The following HAT1 variants were observed in gnomAD, a reference collection of about 807,000 sequenced individuals.
HAT1 encodes the protein histone acetyltransferase 1.
In HAT1, 20 loss-of-function variants were observed where a neutral mutation model predicts 56.6. The observed-to-expected ratio is 0.35, with a 90% CI of 0.25 to 0.51. HAT1 has a LOEUF of 0.51. Among genes scored for constraint, HAT1 ranks in the 20% least tolerant of loss-of-function variants. HAT1 has a pLI of 0.95. For missense variants in HAT1, 408 were observed against 504.3 expected, an observed-to-expected ratio of 0.81 and a Z score of 1.83; for synonymous variants, 146 against 165.5, an observed-to-expected ratio of 0.88 and a Z score of 0.91.
chr2:171,958,622 A>T (rs1302922590), intron 4 of HAT1, among the ~76,000 whole-genome samples: 2 of 152,056 alleles, frequency 1.3e-5, no homozygotes, highest in Non-Finnish European at 2.9e-5. Context: ...CTCCCAGTTT[A>T]CTGCTATCAT....
chr2:171,977,557 A>ATT (rs1172067451), intron 9 of HAT1, among the ~76,000 whole-genome samples: 21 of 16,346 alleles, frequency 1.3e-3, no homozygotes, highest in South Asian at 3.8e-3. Context: ...ATATATATAT[A>ATT]TTTTTTTTTT....
At chr2:171,946,288 A>G (rs1475656769) in intron 2 of HAT1, among the ~76,000 whole-genome samples, 2 of 152,252 alleles carry the variant, frequency 1.3e-5, no homozygotes, top group Non-Finnish European at 2.9e-5. Flanking sequence ...GTCAAAAAGA[A>G]TGACTTCATC....
At position 171,950,461 on chromosome 2, in the gene HAT1, G is replaced by A. The variant is rs548473441; in HGVS notation, c.189-2420G>A. On this transcript the variant is annotated intron_variant, in intron 3 of 10. Coordinates refer to ENST00000264108, the MANE Select transcript of HAT1 (RefSeq NM_003642.4). ...CTCCCAAAGTCCTAGAATTACAGGC[G>A]TGAGCCACTGTACCCAGCCATATTT... Among the ~76,000 whole-genome samples, 104 of 151,592 alleles carry A rather than the reference G, an allele frequency of 6.9e-4. No homozygotes were observed. In the Middle Eastern group the frequency reaches 0.01, roughly 15 times the overall value.
At chr2:171,942,053 C>T (rs1687032178) in intron 2 of HAT1, among the ~76,000 whole-genome samples, 1 of 151,992 alleles carries the variant, frequency 6.6e-6, no homozygotes, top group Admixed American at 6.6e-5. Context: ...TACAGGTGCA[C>T]ACCACCACAC....
In HAT1 at chr2:171,965,234, C is replaced by G. The variant is rs574006245; in HGVS notation, c.310-104C>G. 47 of 689,690 alleles carry G rather than the reference C, an allele frequency of 6.8e-5. No homozygotes were observed. The African/African-American group carries it at 7.9e-4, about 12-fold the overall frequency. The allele number at this position is 689,690 out of a possible 1,614,324, so 42.7% of individuals were successfully genotyped here. ...TGTGTTTACTTCTTTAGTTTTCAAC[C>G]AAAGTTTTGTAATTTGTGTTGGTTT... On this transcript the variant is annotated intron_variant, in intron 4 of 10. Coordinates refer to ENST00000264108, the MANE Select transcript of HAT1 (RefSeq NM_003642.4).
chr2:171,955,828 CGAGGTCAG>C (rs1358785358), intron 4 of HAT1, among the ~76,000 whole-genome samples: 3 of 151,476 alleles, frequency 2.0e-5, no homozygotes, highest in African/African-American at 7.3e-5. Flanking sequence ...AGGTGGATCA[CGAGGTCAG>C]GAGTTTGAGT....
In HAT1 at chr2:171,983,557, T is replaced by A. The variant is rs1050329798; in HGVS notation, c.*205T>A. 1 of 376,702 alleles carries A rather than the reference T, an allele frequency of 2.7e-6. No homozygotes were observed. The highest frequency in any genetic ancestry group is 2.1e-5 in the African/African-American group (1 of 48,130). The allele number at this position is 376,702 out of a possible 1,614,324, so 23.3% of individuals were successfully genotyped here. On this transcript the variant is annotated 3_prime_UTR_variant, in exon 11 of 11. Transcript: ENST00000264108. ...AGCATATATTGCATTTAAAGAAAGA[T>A]AAAGCTTCTGAAATACTACTGCAAT...
At chr2:171,922,913 C>G (rs1323460917) in intron 1 of HAT1, 1 of 187,786 alleles carries the variant, frequency 5.3e-6, no homozygotes, top group Non-Finnish European at 1.1e-5. Context: ...GATCCTCCTC[C>G]TCTTCCAGGT....
chr2:171,938,074 C>CTCTCTCTT (rs1686922702), intron 2 of HAT1, among the ~76,000 whole-genome samples: 3 of 135,822 alleles, frequency 2.2e-5, no homozygotes, highest in African/African-American at 8.4e-5. Context: ...CTCTCTCTCT[C>CTCTCTCTT]TTTAAATGAA....
intron 2 of HAT1, 95 bp downstream of exon 2, chr2:171,925,736 A>G (rs2105961033): frequency 1.7e-6 from 1 of 589,500 alleles, no homozygotes; most frequent in Middle Eastern, 4.3e-4. Context: ...ATGTAAGAGC[A>G]GTTATTTATG....
rs1009351123 is a variant in HAT1 at position 171,979,343 on chromosome 2, A to C, written c.1072A>C (p.Arg358=). The C allele has an allele frequency of 6.4e-7, 1 of 1,552,122 alleles. No individual in the cohort carries two copies. ...YRSYRLDIKR[R]LISPYKKKQR... is the part of the protein sequence containing the mutation. ...AAGCTACAGACTGGATATTAAAAGA[A>C]GACTAATTAGCCCATATAAGGTAGG... Residue 358 remains arginine, a synonymous_variant, in exon 10 of 11, where the codon AGA becomes CGA. Coordinates refer to ENST00000264108, the MANE Select transcript of HAT1 (RefSeq NM_003642.4).
intron 3 of HAT1, among the ~76,000 whole-genome samples, chr2:171,948,341 C>T (rs1233344082): frequency 2.6e-5 from 4 of 152,194 alleles, no homozygotes; most frequent in Admixed American, 2.6e-4. Context: ...TCTTCTGCCT[C>T]AGCCTCCCAA....
At chr2:171,923,700 C>T (rs963611378) in intron 1 of HAT1, 10 of 152,160 alleles carry the variant, frequency 6.6e-5, no homozygotes, top group African/African-American at 1.7e-4. Context: ...TAAAGAAGGA[C>T]TTTTCTACCA....
chr2:171,977,166 C>G (rs953471454), intron 9 of HAT1, among the ~76,000 whole-genome samples: 1 of 130,860 alleles, frequency 7.6e-6, no homozygotes, highest in Non-Finnish European at 1.6e-5. Flanking sequence ...GAGCGAGACT[C>G]CATCTCAAAA....
At chr2:171,953,941 G>A (rs942643952) in intron 4 of HAT1, among the ~76,000 whole-genome samples, 1 of 152,170 alleles carries the variant, frequency 6.6e-6, no homozygotes, top group Non-Finnish European at 1.5e-5. Flanking sequence ...GTTGCAGTGA[G>A]TTGAGATCGT....
intron 4 of HAT1, among the ~76,000 whole-genome samples, chr2:171,953,990 C>T (rs1195488985): frequency 6.6e-6 from 1 of 151,712 alleles, no homozygotes; most frequent in Non-Finnish European, 1.5e-5. Flanking sequence ...GTGAAACTGT[C>T]TCAAAAAAAA....
At chr2:171,941,254 C>G (rs775069895) in intron 2 of HAT1, among the ~76,000 whole-genome samples, 17 of 152,004 alleles carry the variant, frequency 1.1e-4, no homozygotes, top group Admixed American at 7.2e-4. Flanking sequence ...GCTCTGTTGT[C>G]CAGGCTGGAG....
chr2:171,958,860 G>A lies in HAT1; in HGVS notation c.309+5859G>A, dbSNP rs182131180. The stretch of plus-strand genomic sequence containing the variant: ...GCCCCATCTATAAAACTAATTGTGC[G>A]TAGCATGAAAAAGATCTGAAATAGT... On this transcript the variant is annotated intron_variant, in intron 4 of 10. Coordinates refer to ENST00000264108, the MANE Select transcript of HAT1 (RefSeq NM_003642.4). Among the ~76,000 whole-genome samples the A allele has an allele frequency of 2.1e-3, 316 of 152,182 alleles. 4 individuals are homozygous for A. Among genetic ancestry groups the A allele is most frequent in the African/African-American group, 7.1e-3 (296 of 41,510 alleles).
chr2:171,943,071 G>C (rs1687061002), intron 2 of HAT1, among the ~76,000 whole-genome samples: 1 of 25,610 alleles, frequency 3.9e-5, no homozygotes, highest in Admixed American at 8.4e-4. Context: ...GGACATATTT[G>C]AGTTTTTTTT....
Sources: allele counts gnomAD v4.1 joint callset (sites outside exome capture counted in the v4.1 genomes callset), GRCh38; gene constraint gnomAD v4.1.1; transcripts MANE v1.5; gene names NCBI Gene and HGNC (gene_info 2026-07-23, HGNC 2026-07-21).